Variants in ZNF324 observed in about 807,000 individuals in gnomAD.
ZNF324 encodes the protein zinc finger protein 324.
A neutral mutation model predicts 10.3 loss-of-function variants in ZNF324; 3 were observed. The observed-to-expected ratio is 0.29, with a 90% CI of 0.13 to 0.75. The LOEUF (loss-of-function observed/expected upper bound fraction) is 0.75, where lower values mean the gene tolerates loss of function less well. Ranked by LOEUF, ZNF324 falls within the 30% of genes least tolerant of loss-of-function variation. ZNF324 has a pLI of 0.69. For synonymous variants in ZNF324, 430 were observed against 339.5 expected, an observed-to-expected ratio of 1.27 and a Z score of -2.93; for missense variants, 763 against 784.4, an observed-to-expected ratio of 0.97 and a Z score of 0.33.
At chr19:58,467,771 C>T (rs988497852) in intron 1 of ZNF324, 34 of 152,110 alleles carry the variant, frequency 2.2e-4, no homozygotes, top group African/African-American at 7.2e-4. Flanking sequence ...GCTTCTGGGA[C>T]TGAGCTCTCT....
At chr19:58,468,282 T>C in intron 1 of ZNF324, 1 of 980,168 alleles carries the variant, frequency 1.0e-6, no homozygotes, top group Non-Finnish European at 1.2e-6. Context: ...CTCAGCCAGG[T>C]GTGGGCAGTT....
In ZNF324 at chr19:58,471,637, C is replaced by G. The variant is rs2053034093; in HGVS notation, c.1145C>G (p.Ser382Trp). The change falls in exon 4 of 4, where the codon TCG becomes TGG. Residue 382 changes from serine (S) to tryptophan (W), a missense_variant. Transcript: ENST00000196482. ...AQCGRRFCRN[S>W]HLIQHERTHT... ...TGTGGCCGCCGCTTCTGCCGCAACT[C>G]GCACCTGATCCAGCACGAGCGTACG... 6.2e-7 allele frequency: 1 copy of G among 1,610,656 alleles called. No individual in the cohort carries two copies.
At chr19:58,469,472 C>T (rs565754400) in intron 2 of ZNF324, among the ~76,000 whole-genome samples, 166 bp downstream of exon 2, 57 of 152,362 alleles carry the variant, frequency 3.7e-4, no homozygotes, top group Non-Finnish European at 6.9e-4. Context: ...TTGGCTCAAC[C>T]ACTCCCTGTG....
At chr19:58,468,176 G>A (rs2122402673) in intron 1 of ZNF324, 1 of 985,198 alleles carries the variant, frequency 1.0e-6, no homozygotes, top group East Asian at 1.1e-4. Flanking sequence ...TCAAGAGTCT[G>A]GGATGTCCCA....
intron 1 of ZNF324, among the ~76,000 whole-genome samples, chr19:58,468,761 C>T (rs1459371170): frequency 1.3e-5 from 2 of 152,000 alleles, no homozygotes; most frequent in East Asian, 1.9e-4. Flanking sequence ...GCCAAGAAGG[C>T]ATCTGGGGTC....
rs114597041 is a variant in ZNF324 at position 58,475,427 on chromosome 19, T to A, written c.*3273T>A. 5 of 152,242 alleles carry A rather than the reference T, an allele frequency of 3.3e-5. No individual in the cohort carries two copies. Among genetic ancestry groups the A allele is most frequent in the African/African-American group, 4.8e-5 (2 of 41,458 alleles). 9.4% of individuals were successfully genotyped at this position (152,242 alleles called of 1,614,324 possible). On this transcript the variant is annotated 3_prime_UTR_variant, in exon 4 of 4. Coordinates refer to ENST00000196482, the MANE Select transcript of ZNF324 (RefSeq NM_014347.3). ...TCAAAGGTAAATAAACGGTTGAGCA[T>A]GTCCGATCAGCCTGGAGGGAAACCT...
At position 58,472,107 on chromosome 19, in the gene ZNF324, A is replaced by G; in HGVS notation, c.1615A>G (p.Thr539Ala). Residue 539 changes from threonine (T) to alanine (A), a missense_variant, in exon 4 of 4, where the codon ACT (threonine) becomes GCT (alanine). By Grantham distance (58) the Thr-to-Ala change is moderately conservative (BLOSUM62 0). Coordinates refer to ENST00000196482, the MANE Select transcript of ZNF324 (RefSeq NM_014347.3). The stretch of plus-strand genomic sequence containing the variant: ...TGCGCCAGCGAAGGAAACCGAGCCC[A>G]CTCCCGCCTCGGGCCCAGCCGCCGT... ...EGAPAKETEP[T>A]PASGPAAVSQ... is the part of the protein sequence containing the mutation. 5.0e-6 allele frequency: 8 copies of G among 1,591,910 alleles called. No homozygotes were observed. Among genetic ancestry groups the G allele is most frequent in the Non-Finnish European group, 6.8e-6 (8 of 1,169,626 alleles).
At chr19:58,470,614 A>G in intron 3 of ZNF324, 117 bp from the exon 4 acceptor site, 1 of 1,315,098 alleles carries the variant, frequency 7.6e-7, no homozygotes, top group Non-Finnish European at 1.1e-6. Flanking sequence ...CCTCACCTCT[A>G]CTTTTCCCCT....
intron 2 of ZNF324, 84 bp from the exon 3 acceptor site, chr19:58,469,644 G>C: frequency 8.7e-7 from 1 of 1,153,960 alleles, no homozygotes; most frequent in East Asian, 2.6e-5. Context: ...TTCTGTTTCC[G>C]TGAAGCCCTG....
chr19:58,471,725 G>T lies in ZNF324; in HGVS notation c.1233G>T (p.Ser411=), dbSNP rs774744345. The T allele has an allele frequency of 9.9e-6, 16 of 1,611,820 alleles. No individual in the cohort carries two copies. The highest frequency in any genetic ancestry group is 2.7e-5 in the African/African-American group (2 of 74,772). The change falls in exon 4 of 4, where the codon TCG becomes TCT. Residue 411 remains serine (S), a synonymous_variant. Coordinates refer to ENST00000196482, the MANE Select transcript of ZNF324 (RefSeq NM_014347.3). The part of the protein sequence containing the change: ...LCGAAFSQGS[S]LFKHQRVHTG... Reference sequence around the variant, plus strand: ...GTGCTGCCTTCAGCCAGGGCTCCTCGCTCTTTAAGCACCAGCGCGTGCACA... The same window carrying T: ...GTGCTGCCTTCAGCCAGGGCTCCTCTCTCTTTAAGCACCAGCGCGTGCACA...
intron 1 of ZNF324, 116 bp downstream of exon 1, chr19:58,467,299 G>A (rs1273009496): frequency 5.3e-5 from 8 of 152,176 alleles, no homozygotes; most frequent in African/African-American, 1.9e-4. Context: ...GGGCGTCCAG[G>A]GGACTGTCGG....
At chr19:58,469,894 G>A (rs772374692) in intron 3 of ZNF324, 50 bp downstream of exon 3, 11 of 1,471,218 alleles carry the variant, frequency 7.5e-6, no homozygotes, top group Admixed American at 1.9e-5. Context: ...CTGTGGTCAT[G>A]CCTCTGTCCC....
In ZNF324 at chr19:58,471,496, A is replaced by G; in HGVS notation, c.1004A>G (p.His335Arg). Residue 335 changes from histidine to arginine, a missense_variant, in exon 4 of 4, where the codon CAC (histidine) becomes CGC (arginine). His to Arg is a conservative substitution (Grantham distance 29, BLOSUM62 0). Coordinates refer to ENST00000196482, the MANE Select transcript of ZNF324 (RefSeq NM_014347.3). ...SSSLVRHQRI[H>R]TAEKSFRCSE... Reference sequence around the variant, plus strand: ...TCGCTGGTGCGGCACCAGCGCATCCACACGGCCGAGAAGTCCTTCCGCTGC... The same window carrying G: ...TCGCTGGTGCGGCACCAGCGCATCCGCACGGCCGAGAAGTCCTTCCGCTGC... 2 of 1,583,176 alleles carry G rather than the reference A, an allele frequency of 1.3e-6. No homozygotes were observed. The highest frequency in any genetic ancestry group is 1.7e-6 in the Non-Finnish European group (2 of 1,162,644).
rs372082006 is a variant in ZNF324 at position 58,472,208 on chromosome 19, A to G, written c.*54A>G. On this transcript the variant is annotated 3_prime_UTR_variant, in exon 4 of 4. Coordinates refer to ENST00000196482, the MANE Select transcript of ZNF324 (RefSeq NM_014347.3). ...TGAATCCCTTCCACAGCTAAAGGGCATATGTCCTCTGCAGATCCACAGCAG... is the reference window on the plus strand; with the variant it reads ...TGAATCCCTTCCACAGCTAAAGGGCGTATGTCCTCTGCAGATCCACAGCAG... 3.5e-4 allele frequency: 518 copies of G among 1,485,376 alleles called. 5 individuals carry two copies. In the African/African-American group the frequency reaches 6.1e-3, roughly 17 times the overall value. 92.0% of individuals were successfully genotyped at this position (1,485,376 alleles called of 1,614,324 possible).
Position 58,469,854 on chromosome 19 carries a change from A to C in ZNF324, c.238+10A>C, listed in dbSNP as rs1410621096. The C allele has an allele frequency of 5.7e-6, 9 of 1,590,770 alleles. No homozygotes were observed. The highest frequency in any genetic ancestry group is 6.8e-6 in the Non-Finnish European group (8 of 1,167,980). On this transcript the variant is annotated intron_variant, in intron 3 of 3. Coordinates refer to ENST00000196482, the MANE Select transcript of ZNF324 (RefSeq NM_014347.3). ...AGGAGGCGCAACCCTGGTGAGAGGG[A>C]GCTCAGGGTGGGGTGAATTCAGGAC... is the stretch of plus-strand genomic sequence containing the variant.
Position 58,470,991 on chromosome 19 carries a change from A to T in ZNF324, c.499A>T (p.Arg167Trp), listed in dbSNP as rs762942041. The T allele has an allele frequency of 1.2e-6, 2 of 1,614,170 alleles. No individual in the cohort carries two copies. Among genetic ancestry groups the T allele is most frequent in the Non-Finnish European group, 1.7e-6 (2 of 1,180,022 alleles). Reference protein sequence around the residue: ...SVSLRLTSPLRPPEGVRLREK... With the variant: ...SVSLRLTSPLWPPEGVRLREK... ...CAGCCTGCGACTGACCTCCCCGCTT[A>T]GGCCTCCCGAGGGCGTCCGGCTTAG... is the stretch of plus-strand genomic sequence containing the variant. The change falls in exon 4 of 4, where the codon AGG (arginine) becomes TGG (tryptophan). Residue 167 changes from arginine (R) to tryptophan (W), a missense_variant. By Grantham distance (101) the Arg-to-Trp change is moderately radical (BLOSUM62 -3). Coordinates refer to ENST00000196482, the MANE Select transcript of ZNF324 (RefSeq NM_014347.3).
At position 58,472,098 on chromosome 19, in the gene ZNF324, A is replaced by C; in HGVS notation, c.1606A>C (p.Thr536Pro). 6.3e-7 allele frequency: 1 copy of C among 1,596,154 alleles called. No individual in the cohort carries two copies. Among genetic ancestry groups the C allele is most frequent in the Non-Finnish European group, 8.5e-7 (1 of 1,172,342 alleles). ...ASSEGAPAKE[T>P]EPTPASGPAA... ...ATCAGAAGGTGCGCCAGCGAAGGAAACCGAGCCCACTCCCGCCTCGGGCCC... is the reference window on the plus strand; with the variant it reads ...ATCAGAAGGTGCGCCAGCGAAGGAACCCGAGCCCACTCCCGCCTCGGGCCC... Residue 536 changes from threonine to proline, a missense_variant, in exon 4 of 4, where the codon ACC becomes CCC. Physicochemically the swap from Thr to Pro is conservative, Grantham distance 38. Coordinates refer to ENST00000196482, the MANE Select transcript of ZNF324 (RefSeq NM_014347.3).
Position 58,469,247 on chromosome 19 carries a change from C to G in ZNF324, c.62C>G (p.Ala21Gly). ...SQEEWGLLDT[A>G]QRALYRRVML... is the part of the protein sequence containing the mutation. ...GAGGAGTGGGGGCTCCTGGACACAG[C>G]CCAGAGGGCCCTGTACCGCCGCGTG... The change falls in exon 2 of 4, where the codon GCC (alanine) becomes GGC (glycine). Residue 21 changes from alanine (A) to glycine (G), a missense_variant. This residue lies in a region of ZNF324 where 379 missense variants were observed against 319.4 expected (regional missense o/e 1.19). Transcript: ENST00000196482. 1 of 1,614,148 alleles carries G rather than the reference C, an allele frequency of 6.2e-7. No individual in the cohort carries two copies.
chr19:58,471,321 C>G lies in ZNF324; in HGVS notation c.829C>G (p.Arg277Gly). The G allele has an allele frequency of 6.2e-7, 1 of 1,614,028 alleles. No individual in the cohort carries two copies. The highest frequency in any genetic ancestry group is 8.5e-7 in the Non-Finnish European group (1 of 1,180,020). The part of the protein sequence containing the change: ...VKSSDLLKHL[R>G]THTGERPYEC... Reference sequence around the variant, plus strand: ...GAGCTCCGACCTCCTCAAGCACCTACGCACCCACACCGGGGAGCGGCCCTA... The same window carrying G: ...GAGCTCCGACCTCCTCAAGCACCTAGGCACCCACACCGGGGAGCGGCCCTA... The change falls in exon 4 of 4, where the codon CGC (arginine) becomes GGC (glycine). Residue 277 changes from arginine (R) to glycine (G), a missense_variant. This residue lies in a region of ZNF324 where 153 missense variants were observed against 269.0 expected (regional missense o/e 0.57). Coordinates refer to ENST00000196482, the MANE Select transcript of ZNF324 (RefSeq NM_014347.3).
Sources: allele counts gnomAD v4.1 joint callset (sites outside exome capture counted in the v4.1 genomes callset), GRCh38; gene constraint gnomAD v4.1.1; regional missense constraint gnomAD v4.1.1; transcripts MANE v1.5; gene names NCBI Gene and HGNC (gene_info 2026-07-23, HGNC 2026-07-21).